Variants in GPI observed in about 807,000 individuals in gnomAD.
The protein encoded by GPI is glucose-6-phosphate isomerase, also known as D-hexose-6-phosphate anomerase.
Under a neutral mutation model 75.8 loss-of-function variants are expected in GPI, and 56 were observed. The ratio of observed to expected loss-of-function variants is 0.74; its 90% CI spans 0.60 to 0.92. The LOEUF (loss-of-function observed/expected upper bound fraction) is 0.92. Among genes scored for constraint, GPI ranks in the 40% least tolerant of loss-of-function variants. The pLI is 0.00. For synonymous variants in GPI, 288 were observed against 285.4 expected, an observed-to-expected ratio of 1.01 and a Z score of -0.09; for missense variants, 638 against 741.0, an observed-to-expected ratio of 0.86 and a Z score of 1.61.
In GPI at chr19:34,379,031, G is replaced by A. The variant is rs369432254; in HGVS notation, c.705+26G>A. 25 of 1,596,970 alleles carry A rather than the reference G, an allele frequency of 1.6e-5. No individual in the cohort carries two copies. In the African/African-American group the frequency reaches 2.3e-4, roughly 15 times the overall value. On this transcript the variant is annotated intron_variant, in intron 7 of 17. Coordinates refer to ENST00000356487, the MANE Select transcript of GPI (RefSeq NM_000175.5). ...GTGAGTGGGCTATAGGGCCTTCCTC[G>A]TGGTTAGCCTCTGGGCTGGGAAGAG...
In GPI at chr19:34,400,285, C is replaced by T. The variant is rs756970524; in HGVS notation, c.*249C>T. On this transcript the variant is annotated 3_prime_UTR_variant, in exon 18 of 18. Transcript: ENST00000356487. Reference sequence around the variant, plus strand: ...AGCTGACTTTTCTGACCCATGTTCACGTTGTTCACATCCCATGTAGAAAAA... The same window carrying T: ...AGCTGACTTTTCTGACCCATGTTCATGTTGTTCACATCCCATGTAGAAAAA... 5.8e-5 allele frequency: 35 copies of T among 603,150 alleles called. 1 individual carries two copies. The highest frequency in any genetic ancestry group is 9.8e-5 in the Non-Finnish European group (33 of 338,212). The allele number at this position is 603,150 out of a possible 1,614,324, so 37.4% of individuals were successfully genotyped here.
chr19:34,388,252 G>A (rs887921438), intron 9 of GPI, among the ~76,000 whole-genome samples: 2 of 152,196 alleles, frequency 1.3e-5, no homozygotes, highest in African/African-American at 2.4e-5. Context: ...CGAGGTGGGT[G>A]GATCACTTGA....
intron 2 of GPI, 21 bp from the exon 3 acceptor site, chr19:34,366,762 C>T: frequency 2.5e-6 from 4 of 1,598,374 alleles, no homozygotes; most frequent in South Asian, 1.1e-5. Context: ...GGGACCAGGC[C>T]TCAGTATCGT....
chr19:34,377,336 A>AATATATATATATATATAT (rs1243864461), intron 4 of GPI, among the ~76,000 whole-genome samples, 167 bp from the exon 5 acceptor site: 64 of 49,322 alleles, frequency 1.3e-3, no homozygotes, highest in African/African-American at 3.4e-3. Flanking sequence ...AAAAAAAAAA[A>AATATATATATATATATAT]ATATATATAT....
At chr19:34,391,623 G>C (rs901043681) in intron 9 of GPI, among the ~76,000 whole-genome samples, 1 of 292 alleles carries the variant, frequency 3.4e-3, no homozygotes, top group Non-Finnish European at 9.8e-3. Context: ...TGAGGATCCG[G>C]GTCTGTCAAT....
In GPI at chr19:34,368,681, C is replaced by T; in HGVS notation, c.381C>T (p.Asp127=). 4 of 1,614,208 alleles carry T rather than the reference C, an allele frequency of 2.5e-6. No homozygotes were observed. In the South Asian group the frequency reaches 4.4e-5, roughly 18 times the overall value. The change falls in exon 4 of 18, where the codon GAC becomes GAT. Residue 127 remains aspartate (D), a synonymous_variant. Transcript: ENST00000356487. ...DVMPEVNKVL[D]KMKSFCQRVR... is the part of the protein sequence containing the mutation. ...TGCCAGAGGTCAACAAGGTTCTGGACAAGATGAAGTCTTTCTGCCAGGTAA... is the reference window on the plus strand; with the variant it reads ...TGCCAGAGGTCAACAAGGTTCTGGATAAGATGAAGTCTTTCTGCCAGGTAA...
In GPI at chr19:34,365,824, G is replaced by A. The variant is rs1272704772; in HGVS notation, c.122+436G>A. The A allele has an allele frequency of 8.5e-6, 4 of 471,858 alleles. No individual in the cohort carries two copies. In the Admixed American group the frequency reaches 9.3e-5, roughly 11 times the overall value. 29.2% of individuals were successfully genotyped at this position (471,858 alleles called of 1,614,324 possible). A position where few individuals can be genotyped will look rare whatever the true frequency, so the allele number is the denominator to read the frequency against. On this transcript the variant is annotated intron_variant, in intron 1 of 17. Coordinates refer to ENST00000356487, the MANE Select transcript of GPI (RefSeq NM_000175.5). Reference sequence around the variant, plus strand: ...GCGGGCAGCCCGGGCGGGGGTGTTTGAGGGAGCTGGGTGGAAGGATGGAGA... The same window carrying A: ...GCGGGCAGCCCGGGCGGGGGTGTTTAAGGGAGCTGGGTGGAAGGATGGAGA...
chr19:34,382,743 G>C (rs893685506), intron 9 of GPI, among the ~76,000 whole-genome samples: 5 of 152,078 alleles, frequency 3.3e-5, no homozygotes, highest in African/African-American at 1.2e-4. Context: ...GTAGAGATGA[G>C]TTAGGGTGTG....
upstream of GPI, among the ~76,000 whole-genome samples, chr19:34,361,274 G>A (rs191993717): frequency 2.0e-5 from 3 of 152,082 alleles, no homozygotes; most frequent in East Asian, 5.8e-4. Context: ...TGTATTTTTA[G>A]TAGAGACGGG....
At position 34,379,020 on chromosome 19, in the gene GPI, G is replaced by C; in HGVS notation, c.705+15G>C. The C allele has an allele frequency of 6.2e-7, 1 of 1,610,026 alleles. No homozygotes were observed. On this transcript the variant is annotated intron_variant, in intron 7 of 17. Transcript: ENST00000356487. The stretch of plus-strand genomic sequence containing the variant: ...CGGCCAAGGATGTGAGTGGGCTATA[G>C]GGCCTTCCTCGTGGTTAGCCTCTGG...
At chr19:34,369,526 G>A (rs989845527) in intron 4 of GPI, among the ~76,000 whole-genome samples, 2 of 151,996 alleles carry the variant, frequency 1.3e-5, no homozygotes, top group Admixed American at 6.6e-5. Context: ...GGCCATCATG[G>A]TGAAACCCCA....
At chr19:34,392,992 G>T in intron 9 of GPI, 1 of 538,582 alleles carries the variant, frequency 1.9e-6, no homozygotes, top group Non-Finnish European at 3.4e-6. Context: ...TGTCTGCAGA[G>T]ACAGGGCCCG....
In GPI at chr19:34,393,127, G is replaced by C. The variant is rs2074889805; in HGVS notation, c.805-121G>C. 3 of 778,702 alleles carry C rather than the reference G, an allele frequency of 3.9e-6. No homozygotes were observed. The highest frequency in any genetic ancestry group is 6.9e-6 in the Non-Finnish European group (3 of 434,576). The allele number at this position is 778,702 out of a possible 1,614,324, so 48.2% of individuals were successfully genotyped here. A position where few individuals can be genotyped will look rare whatever the true frequency, so the allele number is the denominator to read the frequency against. On this transcript the variant is annotated intron_variant, in intron 9 of 17. Transcript: ENST00000356487. This position sits in a 1 kb window ranked among gnomAD's most constrained non-coding sequence, Gnocchi z 4.4. ...CCTGCCTGCTGCCTTGCTTCCTGGA[G>C]GTGGGTTGGGCCAGGGCCCTCCGAG...
intron 12 of GPI, among the ~76,000 whole-genome samples, chr19:34,395,388 A>G (rs1166726229): frequency 6.6e-6 from 1 of 151,908 alleles, no homozygotes; most frequent in Non-Finnish European, 1.5e-5. Flanking sequence ...CACAAAAACT[A>G]ACAGTAGCCA....
chr19:34,372,467 C>T (rs753873867), intron 4 of GPI, among the ~76,000 whole-genome samples: 1 of 152,078 alleles, frequency 6.6e-6, no homozygotes, highest in Non-Finnish European at 1.5e-5. Flanking sequence ...CATAACAAGA[C>T]CCTGCCTTTA....
chr19:34,382,121 A>G (rs2074663827), intron 9 of GPI, among the ~76,000 whole-genome samples: 1 of 152,136 alleles, frequency 6.6e-6, no homozygotes. Flanking sequence ...TGAGCTCAGC[A>G]GTGGTGTGAG....
In GPI at chr19:34,368,662, A is replaced by G. The variant is rs760550832; in HGVS notation, c.362A>G (p.Glu121Gly). The stretch of plus-strand genomic sequence containing the variant: ...GTAGACGGCAAGGATGTGATGCCAG[A>G]GGTCAACAAGGTTCTGGACAAGATG... The part of the protein sequence containing the change: ...ILVDGKDVMP[E>G]VNKVLDKMKS... The change falls in exon 4 of 18, where the codon GAG (glutamate) becomes GGG (glycine). Residue 121 changes from glutamate to glycine, a missense_variant. Glu to Gly is a moderately conservative substitution (Grantham distance 98). Transcript: ENST00000356487. 11 of 1,614,064 alleles carry G rather than the reference A, an allele frequency of 6.8e-6. No homozygotes were observed. Among genetic ancestry groups the G allele is most frequent in the African/African-American group, 2.7e-5 (2 of 74,914 alleles).
Position 34,400,335 on chromosome 19 carries a change from A to T in GPI, c.*299A>T. The T allele has an allele frequency of 1.7e-6, 1 of 594,752 alleles. No individual in the cohort carries two copies. The highest frequency in any genetic ancestry group is 3.0e-6 in the Non-Finnish European group (1 of 334,624). The allele number at this position is 594,752 out of a possible 1,614,324, so 36.8% of individuals were successfully genotyped here. On this transcript the variant is annotated 3_prime_UTR_variant, in exon 18 of 18. Coordinates refer to ENST00000356487, the MANE Select transcript of GPI (RefSeq NM_000175.5). ...ATAAAGATGCCACGGAGGAGGTTGT[A>T]GGCTCAGCCTCTGATTTTTTTTTTC...
upstream of GPI, among the ~76,000 whole-genome samples, chr19:34,363,688 C>T (rs569995829): frequency 3.7e-4 from 57 of 152,144 alleles, no homozygotes; most frequent in East Asian, 8.7e-3. Context: ...GGTGTGGTGG[C>T]GTGCGCCTGT....
Sources: gnomAD v4.1 joint callset for allele counts (sites outside exome capture counted in the v4.1 genomes callset) on GRCh38, gnomAD v4.1.1 for gene constraint, Gnocchi (gnomAD v3.1) non-coding constraint, MANE v1.5 for transcripts, NCBI Gene and HGNC (gene_info 2026-07-23, HGNC 2026-07-21) for gene names.